Variants in ZFYVE28 observed in about 807,000 individuals in gnomAD.
The protein encoded by ZFYVE28 is lateral signaling target protein 2 homolog.
A neutral mutation model predicts 82.1 loss-of-function variants in ZFYVE28; 40 were observed. That is an observed-to-expected ratio of 0.49 (90% CI 0.38 to 0.63). The LOEUF (loss-of-function observed/expected upper bound fraction) is 0.63, where lower values mean the gene tolerates loss of function less well. Ranked by LOEUF, ZFYVE28 falls within the 30% of genes least tolerant of loss-of-function variation. The probability of loss-of-function intolerance (pLI) is 0.00; values close to 1 mark genes in which losing one functional copy is unlikely to be tolerated. For synonymous variants in ZFYVE28, 612 were observed against 546.1 expected (o/e 1.12, Z -1.68); for missense variants, 1,321 against 1,242.1 (o/e 1.06, Z -0.96).
At chr4:2,377,233 G>T (rs1374193137) in intron 1 of ZFYVE28, among the ~76,000 whole-genome samples, 3 of 152,114 alleles carry the variant, frequency 2.0e-5, no homozygotes, top group African/African-American at 7.2e-5. Context: ...GTGTTAGCCA[G>T]GATGGTCTCG....
At chr4:2,324,195 T>C (rs1719529304) in intron 6 of ZFYVE28, among the ~76,000 whole-genome samples, 1 of 152,166 alleles carries the variant, frequency 6.6e-6, no homozygotes, top group Non-Finnish European at 1.5e-5. Flanking sequence ...GCAGCTCCAA[T>C]CCAAGGAGTC....
chr4:2,373,771 A>G (rs1560302666), intron 1 of ZFYVE28, among the ~76,000 whole-genome samples: 1 of 152,144 alleles, frequency 6.6e-6, no homozygotes, highest in Non-Finnish European at 1.5e-5. Flanking sequence ...AAAGCTAGAG[A>G]TGATGTGAGC....
intron 1 of ZFYVE28, among the ~76,000 whole-genome samples, chr4:2,381,581 AT>A (rs1560313498): frequency 6.6e-6 from 1 of 151,988 alleles, no homozygotes; most frequent in Non-Finnish European, 1.5e-5. Flanking sequence ...TAATTTTTGT[AT>A]TTTTAGTAGA....
intron 6 of ZFYVE28, chr4:2,328,987 T>C (rs1720282575): frequency 1.6e-6 from 1 of 611,966 alleles, no homozygotes; most frequent in South Asian, 1.9e-5. Context: ...GGTCTATACA[T>C]CTATCTTTAT....
chr4:2,368,385 G>T (rs1222679091), intron 1 of ZFYVE28, among the ~76,000 whole-genome samples: 1 of 149,560 alleles, frequency 6.7e-6, no homozygotes, highest in African/African-American at 2.5e-5. Context: ...CTGGGTGACA[G>T]CGTGAGACCC....
In ZFYVE28 at chr4:2,392,153, C is replaced by CA. The variant is rs778576253; in HGVS notation, c.39+26131dup. 5.7e-3 allele frequency among the ~76,000 whole-genome samples: 737 copies of CA among 128,882 alleles called. 3 individuals are homozygous for CA. The highest frequency in any genetic ancestry group is 0.028 in the Middle Eastern group (7 of 250). The allele number at this position is 128,882 out of a possible 152,430, so 84.6% of individuals were successfully genotyped here. A position where few individuals can be genotyped will look rare whatever the true frequency, so the allele number is the denominator to read the frequency against. ...TGGGCGACAGAGCAAGACTCCATCC[C>CA]AAAAAAAAAAAAAGGGTGGGGAGGC... is the stretch of plus-strand genomic sequence containing the variant. On this transcript the variant is annotated intron_variant, in intron 1 of 12. Transcript: ENST00000290974.
At chr4:2,349,990 A>T (rs1199814320) in intron 2 of ZFYVE28, among the ~76,000 whole-genome samples, 1 of 151,576 alleles carries the variant, frequency 6.6e-6, no homozygotes, top group Non-Finnish European at 1.5e-5. Flanking sequence ...ACTTCTATTC[A>T]ACTTTGTACT....
chr4:2,320,239 T>C lies in ZFYVE28; in HGVS notation c.734A>G (p.Asn245Ser). ...CATGTCTTCCACCTTGCGGTCCAAGTTCAGAGGTCCGTCCGCATAGACCAC... is the reference window on the plus strand; with the variant it reads ...CATGTCTTCCACCTTGCGGTCCAAGCTCAGAGGTCCGTCCGCATAGACCAC... ...GLVVYADGPL[N>S]LDRKVEDMSE... Residue 245 changes from asparagine to serine, a missense_variant, in exon 7 of 13, where the codon AAC (asparagine) becomes AGC (serine). Around this residue, in one of 2 missense-constraint regions of ZFYVE28, gnomAD observed 343 missense variants for 408.4 expected, o/e 0.84. Transcript: ENST00000290974. The surrounding 1 kb of genome is among the most constrained non-coding windows in gnomAD (Gnocchi z 5.1). 1 of 1,613,674 alleles carries C rather than the reference T, an allele frequency of 6.2e-7. No individual in the cohort carries two copies. The highest frequency in any genetic ancestry group is 8.5e-7 in the Non-Finnish European group (1 of 1,179,920).
chr4:2,289,317 C>T (rs1713236062), intron 8 of ZFYVE28, among the ~76,000 whole-genome samples: 3 of 152,212 alleles, frequency 2.0e-5, no homozygotes, highest in Admixed American at 1.3e-4. Context: ...AACAGGAGCA[C>T]GATACTGCCC....
rs976385419 is a variant in ZFYVE28, at chr4:2,409,553, C to T, written c.39+8732G>A. Among the ~76,000 whole-genome samples the T allele has an allele frequency of 3.3e-5, 5 of 152,228 alleles. No homozygotes were observed. Among genetic ancestry groups the T allele is most frequent in the Non-Finnish European group, 4.4e-5 (3 of 68,030 alleles). On this transcript the variant is annotated intron_variant, in intron 1 of 12. Coordinates refer to ENST00000290974, the MANE Select transcript of ZFYVE28 (RefSeq NM_020972.3). This position sits in a 1 kb window ranked among gnomAD's most constrained non-coding sequence, Gnocchi z 4.4. ...GCCACTCACATCTCAGCAGCCCCCT[C>T]GCCCCCACTCCGCTGGCTGCTCGCT...
intron 8 of ZFYVE28, among the ~76,000 whole-genome samples, chr4:2,282,857 C>T (rs955781998): frequency 6.6e-6 from 1 of 151,896 alleles, no homozygotes; most frequent in Admixed American, 6.6e-5. Context: ...GCAGGAGGAT[C>T]CCCTGAGCCC....
chr4:2,278,219 C>CT (rs58136968), intron 8 of ZFYVE28, among the ~76,000 whole-genome samples: 1,554 of 136,886 alleles, frequency 0.011, 33 homozygotes, highest in African/African-American at 0.031. Context: ...AAGATTCTCT[C>CT]TTTTTTTTTT....
At position 2,417,142 on chromosome 4, in the gene ZFYVE28, C is replaced by T. The variant is rs1733147516; in HGVS notation, c.39+1143G>A. 6.6e-6 allele frequency among the ~76,000 whole-genome samples: 1 copy of T among 152,180 alleles called. No individual in the cohort carries two copies. ...AGGTCGGCAACGCGGTGGCCTCGGA[C>T]GTCCGAGCTGCCCGGACGAAGCGCT... On this transcript the variant is annotated intron_variant, in intron 1 of 12. Transcript: ENST00000290974. The surrounding 1 kb of genome is among the most constrained non-coding windows in gnomAD (Gnocchi z 4.8).
intron 1 of ZFYVE28, among the ~76,000 whole-genome samples, chr4:2,379,640 C>T (rs186342327): frequency 6.6e-6 from 1 of 152,254 alleles, no homozygotes; most frequent in East Asian, 1.9e-4. Context: ...ATTCACATTG[C>T]CACCCCACCT....
Position 2,418,196 on chromosome 4 carries a change from G to C in ZFYVE28, c.39+89C>G. 1 of 1,304,440 alleles carries C rather than the reference G, an allele frequency of 7.7e-7. No homozygotes were observed. Among genetic ancestry groups the C allele is most frequent in the Non-Finnish European group, 1.0e-6 (1 of 965,346 alleles). The allele number at this position is 1,304,440 out of a possible 1,614,324, so 80.8% of individuals were successfully genotyped here. A position where few individuals can be genotyped will look rare whatever the true frequency, so the allele number is the denominator to read the frequency against. Reference sequence around the variant, plus strand: ...AAGAGGCCGGCCACGGACAGGGAAAGGGAGTCCGTCTTGTAGGGCGGACGG... The same window carrying C: ...AAGAGGCCGGCCACGGACAGGGAAACGGAGTCCGTCTTGTAGGGCGGACGG... On this transcript the variant is annotated intron_variant, in intron 1 of 12. Transcript: ENST00000290974. This position sits in a 1 kb window ranked among gnomAD's most constrained non-coding sequence, Gnocchi z 4.6.
At chr4:2,397,471 C>CA (rs35358830) in intron 1 of ZFYVE28, among the ~76,000 whole-genome samples, 53,180 of 97,950 alleles carry the variant, frequency 0.54, 13,601 homozygotes, top group Admixed American at 0.65. Context: ...GACTCGGTCT[C>CA]AAAAAAAAAA....
Position 2,336,568 on chromosome 4 carries a change from C to A in ZFYVE28, c.612-774G>T, listed in dbSNP as rs541083383. On this transcript the variant is annotated intron_variant, in intron 5 of 12. Transcript: ENST00000290974. ...ATATTGATGGCTTCCCCCTGCCCCCCCCACTCCCTAAAAAAGAAACACTTG... is the reference window on the plus strand; with the variant it reads ...ATATTGATGGCTTCCCCCTGCCCCCACCACTCCCTAAAAAAGAAACACTTG... Among the ~76,000 whole-genome samples the A allele has an allele frequency of 3.3e-5, 5 of 152,172 alleles. No individual in the cohort carries two copies. In the South Asian group the frequency reaches 6.2e-4, roughly 19 times the overall value.
Position 2,274,183 on chromosome 4 carries a change from CTTGT to C in ZFYVE28, c.2081_2084del (p.Asp694GlyfsTer55). On this transcript the variant is annotated frameshift_variant, in exon 9 of 13. Coordinates refer to ENST00000290974, the MANE Select transcript of ZFYVE28 (RefSeq NM_020972.3). LOFTEE classifies it high-confidence loss of function. ...CTGCTGGGGCCGCCTCTGGCCCCAT[CTTGT>C]CTGAGGAGCAGGACCCAGCTGTGGA... The C allele has an allele frequency of 6.2e-7, 1 of 1,613,854 alleles. No individual in the cohort carries two copies. Among genetic ancestry groups the C allele is most frequent in the South Asian group, 1.1e-5 (1 of 91,076 alleles).
chr4:2,341,375 A>G lies in ZFYVE28; in HGVS notation c.318+103T>C, dbSNP rs1200468116. ...AGTGGACGGAGCTCTTGGAGGAGACACCAGGTCCCGGCACCTGCAGGCGCC... is the reference window on the plus strand; with the variant it reads ...AGTGGACGGAGCTCTTGGAGGAGACGCCAGGTCCCGGCACCTGCAGGCGCC... On this transcript the variant is annotated intron_variant, in intron 3 of 12. Transcript: ENST00000290974. The surrounding 1 kb of genome is among the most constrained non-coding windows in gnomAD (Gnocchi z 4.5). The G allele has an allele frequency of 1.4e-6, 2 of 1,478,940 alleles. No individual in the cohort carries two copies. The highest frequency in any genetic ancestry group is 1.8e-6 in the Non-Finnish European group (2 of 1,088,560). The allele number at this position is 1,478,940 out of a possible 1,614,324, so 91.6% of individuals were successfully genotyped here.
Sources: gnomAD v4.1 joint callset for allele counts (sites outside exome capture counted in the v4.1 genomes callset) on GRCh38, gnomAD v4.1.1 for gene constraint, gnomAD v4.1.1 regional missense constraint, Gnocchi (gnomAD v3.1) non-coding constraint, MANE v1.5 for transcripts, NCBI Gene and HGNC (gene_info 2026-07-23, HGNC 2026-07-21) for gene names.